SMARCE1: variants seen among roughly 807,000 people sequenced by gnomAD.
SMARCE1 encodes the protein SWI/SNF related BAF chromatin remodeling complex subunit E1.
A neutral mutation model predicts 54.9 loss-of-function variants in SMARCE1; 13 were observed. That is an observed-to-expected ratio of 0.24 (90% CI 0.15 to 0.38). The LOEUF (loss-of-function observed/expected upper bound fraction) is 0.38, where lower values mean the gene tolerates loss of function less well. Among genes scored for constraint, SMARCE1 ranks in the 10% least tolerant of loss-of-function variants. SMARCE1 has a pLI of 1.00. For missense variants in SMARCE1, 295 were observed against 523.8 expected (o/e 0.56, Z 4.26); for synonymous variants, 151 against 175.3 (o/e 0.86, Z 1.10).
At chr17:40,641,838 A>T (rs1488612324) in intron 4 of SMARCE1, 1 of 152,554 alleles carries the variant, frequency 6.6e-6, no homozygotes, top group Non-Finnish European at 1.5e-5. Flanking sequence ...AAGGATTAGA[A>T]ATGCACTTCT....
At position 40,630,695 on chromosome 17, in the gene SMARCE1, T is replaced by C; in HGVS notation, c.1027+19A>G. 12 of 1,605,710 alleles carry C rather than the reference T, an allele frequency of 7.5e-6. No homozygotes were observed. The highest frequency in any genetic ancestry group is 1.0e-5 in the Non-Finnish European group (12 of 1,172,430). On this transcript the variant is annotated intron_variant, in intron 10 of 10. Transcript: ENST00000348513. ...ACAAAGTCTTGGCACTGCCTCTGCG[T>C]TTGTTGCTAGTGGGTTACCTGTCTC...
chr17:40,639,463 G>A (rs1400242579), intron 4 of SMARCE1, among the ~76,000 whole-genome samples: 7 of 152,068 alleles, frequency 4.6e-5, no homozygotes, highest in Non-Finnish European at 1.0e-4. Flanking sequence ...CTATGCTTCC[G>A]AGCTTTAATA....
At chr17:40,631,013 A>G (rs925351906) in intron 9 of SMARCE1, 89 bp from the exon 10 acceptor site, 2 of 943,582 alleles carry the variant, frequency 2.1e-6, no homozygotes, top group African/African-American at 3.3e-5. Flanking sequence ...TTTCTTGCCT[A>G]TAAACTATAT....
intron 10 of SMARCE1, chr17:40,630,183 A>G (rs1780721915): frequency 8.8e-7 from 1 of 1,130,518 alleles, no homozygotes; most frequent in African/African-American, 1.6e-5. Context: ...TTTTATTTAT[A>G]CAAGTTATTA....
Position 40,625,406 on chromosome 17 carries a change from T to A in SMARCE1, c.*3379A>T, listed in dbSNP as rs926707913. The A allele has an allele frequency of 6.6e-6, 1 of 152,216 alleles. No individual in the cohort carries two copies. The highest frequency in any genetic ancestry group is 2.4e-5 in the African/African-American group (1 of 41,450). 9.4% of individuals were successfully genotyped at this position (152,216 alleles called of 1,614,324 possible). A position where few individuals can be genotyped will look rare whatever the true frequency, so the allele number is the denominator to read the frequency against. On this transcript the variant is annotated 3_prime_UTR_variant, in exon 11 of 11. Transcript: ENST00000348513. Reference sequence around the variant, plus strand: ...ACGTTAAGCCCTCCAAATGTGCAAATCATGAAGTCAGTTGTTGTTCCAGCA... The same window carrying A: ...ACGTTAAGCCCTCCAAATGTGCAAAACATGAAGTCAGTTGTTGTTCCAGCA...
At chr17:40,636,338 A>T (rs1322970378) in intron 6 of SMARCE1, 57 bp downstream of exon 6, 39 of 1,539,882 alleles carry the variant, frequency 2.5e-5, no homozygotes, top group Non-Finnish European at 3.3e-5. Flanking sequence ...ATAAATAGTA[A>T]GCCAATGTTT....
At chr17:40,629,991 T>G (rs1321788195) in intron 10 of SMARCE1, 1 of 397,020 alleles carries the variant, frequency 2.5e-6, no homozygotes, top group Non-Finnish European at 4.5e-6. Context: ...GTACCAAGTA[T>G]GACTACTGTC....
At chr17:40,641,707 T>C (rs1187557606) in intron 4 of SMARCE1, 1 of 152,216 alleles carries the variant, frequency 6.6e-6, no homozygotes, top group African/African-American at 2.4e-5. Flanking sequence ...TTAAACTTTT[T>C]TGAATGAAAT....
intron 10 of SMARCE1, chr17:40,630,051 CA>C (rs1435328981): frequency 8.7e-6 from 4 of 458,364 alleles, no homozygotes; most frequent in Non-Finnish European, 1.6e-5. Flanking sequence ...TTTTGTTTTC[CA>C]TAACTACTTT....
intron 10 of SMARCE1, chr17:40,630,371 C>A: frequency 1.4e-6 from 1 of 696,850 alleles, no homozygotes; most frequent in Non-Finnish European, 2.6e-6. Flanking sequence ...TGTTTTATCC[C>A]CAAAGCAGCC....
chr17:40,625,349 G>A lies in SMARCE1; in HGVS notation c.*3436C>T, dbSNP rs553193232. ...AAAGGCTCCGAGTTCCTTTGAGCTTGTTATTGTACAGTGGATTTTTCATTT... is the reference window on the plus strand; with the variant it reads ...AAAGGCTCCGAGTTCCTTTGAGCTTATTATTGTACAGTGGATTTTTCATTT... On this transcript the variant is annotated 3_prime_UTR_variant, in exon 11 of 11. Coordinates refer to ENST00000348513, the MANE Select transcript of SMARCE1 (RefSeq NM_003079.5). 1 of 152,144 alleles carries A rather than the reference G, an allele frequency of 6.6e-6. No homozygotes were observed. Among genetic ancestry groups the A allele is most frequent in the Non-Finnish European group, 1.5e-5 (1 of 68,026 alleles). The allele number at this position is 152,144 out of a possible 1,614,324, so 9.4% of individuals were successfully genotyped here. A position where few individuals can be genotyped will look rare whatever the true frequency, so the allele number is the denominator to read the frequency against.
chr17:40,645,423 AT>A, intron 3 of SMARCE1, 152 bp downstream of exon 3: 1 of 496,032 alleles, frequency 2.0e-6, no homozygotes, highest in South Asian at 4.1e-5. Flanking sequence ...GCAAATAATT[AT>A]TTTATTTAGT....
At chr17:40,643,438 T>A (rs2144010760) in intron 3 of SMARCE1, 1 of 152,320 alleles carries the variant, frequency 6.6e-6, no homozygotes, top group Non-Finnish European at 1.5e-5. Context: ...ACAGAACCCT[T>A]GGTTTTTGTG....
chr17:40,635,934 C>A lies in SMARCE1; in HGVS notation c.538G>T (p.Asp180Tyr). The A allele has an allele frequency of 6.4e-7, 1 of 1,564,416 alleles. No individual in the cohort carries two copies. The highest frequency in any genetic ancestry group is 8.6e-7 in the Non-Finnish European group (1 of 1,157,618). The change falls in exon 7 of 11, where the codon GAT becomes TAT. Residue 180 changes from aspartate (D) to tyrosine (Y), a missense_variant. Asp to Tyr is a radical substitution (Grantham distance 160, BLOSUM62 -3). This residue lies in a region of SMARCE1 where 101 missense variants were observed against 183.1 expected (regional missense o/e 0.55). Coordinates refer to ENST00000348513, the MANE Select transcript of SMARCE1 (RefSeq NM_003079.5). ...YMSIQPAEDPDDYDDGFSMKH... is the reference protein window; with the variant it reads ...YMSIQPAEDPYDYDDGFSMKH... Reference sequence around the variant, plus strand: ...AACCCCACTTTTTTTCTTTTACCATCTGGATCTTCAGCAGGCTGAATGCTC... The same window carrying A: ...AACCCCACTTTTTTTCTTTTACCATATGGATCTTCAGCAGGCTGAATGCTC...
rs773720929 is a variant in SMARCE1, at chr17:40,635,947, A to G, written c.525T>C (p.Pro175=). ...TTCTTTTACCATCTGGATCTTCAGC[A>G]GGCTGAATGCTCATGTACGGTTCTC... is the stretch of plus-strand genomic sequence containing the variant. ...EKGEPYMSIQ[P]AEDPDDYDDG... Residue 175 remains proline (P), a synonymous_variant, in exon 7 of 11, where the codon CCT becomes CCC. Coordinates refer to ENST00000348513, the MANE Select transcript of SMARCE1 (RefSeq NM_003079.5). 6 of 1,577,502 alleles carry G rather than the reference A, an allele frequency of 3.8e-6. No homozygotes were observed. Among genetic ancestry groups the G allele is most frequent in the Non-Finnish European group, 5.2e-6 (6 of 1,164,080 alleles).
rs2037147086 is a variant in SMARCE1, at chr17:40,636,479, C to T, written c.285G>A (p.Glu95=). The T allele has an allele frequency of 1.2e-6, 2 of 1,612,260 alleles. No homozygotes were observed. The highest frequency in any genetic ancestry group is 1.3e-5 in the African/African-American group (1 of 74,838). The part of the protein sequence containing the change: ...KASNPDLKLW[E]IGKIIGGMWR... ...ACATGCCACCAATAATCTTGCCAATCTCCCACAACTTTAGGTCAGGGTTGG... is the reference window on the plus strand; with the variant it reads ...ACATGCCACCAATAATCTTGCCAATTTCCCACAACTTTAGGTCAGGGTTGG... Residue 95 remains glutamate, a synonymous_variant, in exon 6 of 11, where the codon GAG becomes GAA. Transcript: ENST00000348513.
intron 7 of SMARCE1, chr17:40,632,724 G>T (rs2037107453): frequency 5.2e-6 from 1 of 193,858 alleles, no homozygotes; most frequent in Non-Finnish European, 1.1e-5. Context: ...CACTCTCTTG[G>T]TAGTAACTTA....
rs766494520 is a variant in SMARCE1, at chr17:40,636,541, A to T, written c.238-15T>A. 3 of 1,605,208 alleles carry T rather than the reference A, an allele frequency of 1.9e-6. No homozygotes were observed. The highest frequency in any genetic ancestry group is 2.6e-6 in the Non-Finnish European group (3 of 1,172,482). ...TGGTCCCAGACCTTAAAAAGAAAAC[A>T]GATGAAATGTTAATACTGATGTCTA... On this transcript the variant is annotated splice_polypyrimidine_tract_variant and intron_variant, in intron 5 of 10. Coordinates refer to ENST00000348513, the MANE Select transcript of SMARCE1 (RefSeq NM_003079.5).
chr17:40,626,555 C>T lies in SMARCE1; in HGVS notation c.*2230G>A, dbSNP rs1305768185. The T allele has an allele frequency of 1.3e-5, 2 of 152,012 alleles. No homozygotes were observed. Among genetic ancestry groups the T allele is most frequent in the Admixed American group, 6.6e-5 (1 of 15,246 alleles). 9.4% of individuals were successfully genotyped at this position (152,012 alleles called of 1,614,324 possible). A position where few individuals can be genotyped will look rare whatever the true frequency, so the allele number is the denominator to read the frequency against. ...AAGTGGATTTTTACATCAATCTTCC[C>T]CTGCTGAGGTTCAGAGCTGTCAAAT... On this transcript the variant is annotated 3_prime_UTR_variant, in exon 11 of 11. Transcript: ENST00000348513.
Sources: gnomAD v4.1 joint callset for allele counts (sites outside exome capture counted in the v4.1 genomes callset) on GRCh38, gnomAD v4.1.1 for gene constraint, gnomAD v4.1.1 regional missense constraint, MANE v1.5 for transcripts, NCBI Gene and HGNC (gene_info 2026-07-23, HGNC 2026-07-21) for gene names.